CDC25C: variants seen among roughly 807,000 people sequenced by gnomAD.
The protein encoded by CDC25C is M-phase inducer phosphatase 3.
CDC25C carries 48 observed loss-of-function variants against 52.5 expected under a neutral mutation model. The ratio of observed to expected loss-of-function variants is 0.91; its 90% CI spans 0.72 to 1.16. The LOEUF (loss-of-function observed/expected upper bound fraction) is 1.16, where lower values mean the gene tolerates loss of function less well. Ranked by LOEUF, CDC25C falls within the 50% of genes most tolerant of loss-of-function variation. CDC25C has a pLI of 0.00. For missense variants in CDC25C, 510 were observed against 566.1 expected (o/e 0.90, Z 1.01); for synonymous variants, 187 against 206.5 (o/e 0.91, Z 0.81).
At chr5:138,335,768 GT>G (rs11409882), upstream of CDC25C, among the ~76,000 whole-genome samples, 20 of 145,492 alleles carry the variant, frequency 1.4e-4, no homozygotes, top group African/African-American at 1.5e-4. Context: ...GACTTGCAGG[GT>G]TTTTTTTTTT....
chr5:138,307,754 G>A (rs1053680792), intron 7 of CDC25C, among the ~76,000 whole-genome samples: 5 of 152,048 alleles, frequency 3.3e-5, no homozygotes, highest in African/African-American at 1.2e-4. Context: ...AGAAGACCCT[G>A]TCTCTTAAAA....
upstream of CDC25C, chr5:138,335,484 G>C (rs563514356): frequency 1.4e-4 from 21 of 152,368 alleles, no homozygotes; most frequent in Middle Eastern, 3.4e-3. Flanking sequence ...TATGGATGGA[G>C]AGTATCCTTT....
intron 4 of CDC25C, among the ~76,000 whole-genome samples, chr5:138,326,671 T>G (rs1046708754): frequency 2.0e-5 from 3 of 152,124 alleles, no homozygotes; most frequent in Non-Finnish European, 4.4e-5. Flanking sequence ...ATTTAATTTC[T>G]GGCGGGGCGC....
intron 7 of CDC25C, among the ~76,000 whole-genome samples, chr5:138,309,146 C>G (rs1758248891): frequency 6.6e-6 from 1 of 151,748 alleles, no homozygotes; most frequent in Non-Finnish European, 1.5e-5. Flanking sequence ...ACTGACAACA[C>G]TTTGGAGAGC....
intron 7 of CDC25C, among the ~76,000 whole-genome samples, chr5:138,317,510 T>C (rs1758971476): frequency 6.6e-6 from 1 of 151,332 alleles, no homozygotes; most frequent in Admixed American, 6.6e-5. Context: ...TGAAACCACA[T>C]CGCTACAAAA....
intron 2 of CDC25C, 110 bp downstream of exon 2, chr5:138,330,877 G>C (rs1760314900): frequency 1.4e-6 from 1 of 735,810 alleles, no homozygotes; most frequent in African/African-American, 1.8e-5. Context: ...GCAGAGTTGA[G>C]ACTTAAAGCC....
upstream of CDC25C, among the ~76,000 whole-genome samples, chr5:138,336,134 TG>T (rs1205200387): frequency 1.0e-4 from 10 of 99,984 alleles, no homozygotes; most frequent in East Asian, 2.0e-3. Context: ...TTTGTTCATT[TG>T]TTTTTTTTTT....
intron 7 of CDC25C, among the ~76,000 whole-genome samples, chr5:138,302,455 T>G (rs968862943): frequency 6.6e-6 from 1 of 151,978 alleles, no homozygotes; most frequent in South Asian, 2.1e-4. Context: ...ATCCCAGCAC[T>G]TTGGGAGGCC....
At chr5:138,290,803 G>A in intron 8 of CDC25C, 63 bp from the exon 9 acceptor site, 1 of 992,586 alleles carries the variant, frequency 1.0e-6, no homozygotes. Context: ...AAAACCAGTG[G>A]ATGGAGTGGG....
chr5:138,331,949 C>T (rs896739260), upstream of CDC25C: 1 of 963,998 alleles, frequency 1.0e-6, no homozygotes, highest in African/African-American at 1.8e-5. Context: ...CACCTGGGGG[C>T]GTGTGCTTGC....
At chr5:138,318,792 G>A (rs1360147968) in intron 7 of CDC25C, among the ~76,000 whole-genome samples, 1 of 152,152 alleles carries the variant, frequency 6.6e-6, no homozygotes. Flanking sequence ...CTCTGTACTT[G>A]AGTCTTTATA....
intron 7 of CDC25C, among the ~76,000 whole-genome samples, chr5:138,313,995 C>CTTTCTTT (rs1554117939): frequency 4.3e-4 from 48 of 112,682 alleles, no homozygotes; most frequent in South Asian, 2.4e-3. Flanking sequence ...TTCTTTCTTT[C>CTTTCTTT]TTTTTTTTTT....
upstream of CDC25C, chr5:138,332,082 C>G (rs1317086834): frequency 5.8e-6 from 1 of 171,404 alleles, no homozygotes; most frequent in Non-Finnish European, 1.2e-5. Context: ...CATTGGCTCT[C>G]CCTCTCACCA....
chr5:138,331,280 C>A, intron 1 of CDC25C, 62 bp from the exon 2 acceptor site: 1 of 1,110,132 alleles, frequency 9.0e-7, no homozygotes, highest in Non-Finnish European at 1.3e-6. Flanking sequence ...CTAAACTCCT[C>A]CACCCTTTCC....
intron 7 of CDC25C, among the ~76,000 whole-genome samples, chr5:138,306,755 C>T (rs188075500): frequency 1.8e-4 from 27 of 150,902 alleles, no homozygotes; most frequent in African/African-American, 6.1e-4. Flanking sequence ...GGATTACAGG[C>T]GTGAGCCAAT....
chr5:138,310,407 A>C (rs1028986499), intron 7 of CDC25C, among the ~76,000 whole-genome samples: 1 of 152,206 alleles, frequency 6.6e-6, no homozygotes, highest in Non-Finnish European at 1.5e-5. Context: ...CACACTTTTA[A>C]GACTCTCGCC....
At chr5:138,315,938 G>C (rs1056091877) in intron 7 of CDC25C, among the ~76,000 whole-genome samples, 6 of 152,208 alleles carry the variant, frequency 3.9e-5, no homozygotes, top group Non-Finnish European at 8.8e-5. Flanking sequence ...AGTTGGGGCA[G>C]GAGCTCCCCT....
chr5:138,297,963 A>G (rs1757336102), intron 7 of CDC25C, among the ~76,000 whole-genome samples: 1 of 151,956 alleles, frequency 6.6e-6, no homozygotes, highest in South Asian at 2.1e-4. Context: ...TGAGAATAAC[A>G]AGGCAGCCAG....
At chr5:138,326,952 C>CAAA (rs1208599313) in intron 4 of CDC25C, among the ~76,000 whole-genome samples, 64 of 61,128 alleles carry the variant, frequency 1.0e-3, no homozygotes, top group African/African-American at 1.4e-3. Context: ...AACTCCGTCT[C>CAAA]AAAAAAAAAA....
Sources: allele counts gnomAD v4.1 joint callset (sites outside exome capture counted in the v4.1 genomes callset), GRCh38; gene constraint gnomAD v4.1.1; transcripts MANE v1.5; gene names NCBI Gene and HGNC (gene_info 2026-07-23, HGNC 2026-07-21).